The following CD109 variants were observed in gnomAD, a reference collection of about 807,000 sequenced individuals.
CD109 encodes CD109 molecule.
CD109 carries 149 observed loss-of-function variants against 165.8 expected under a neutral mutation model. The ratio of observed to expected loss-of-function variants is 0.90; its 90% CI spans 0.79 to 1.03. The LOEUF is 1.03. Ranked by LOEUF, CD109 falls within the 50% of genes least tolerant of loss-of-function variation. The pLI is 0.00. For missense variants in CD109, 1,712 were observed against 1,677.8 expected (o/e 1.02, Z -0.36); for synonymous variants, 585 against 592.1 (o/e 0.99, Z 0.18).
intron 4 of CD109, among the ~76,000 whole-genome samples, chr6:73,734,960 G>T (rs913904712): frequency 1.3e-5 from 2 of 152,148 alleles, no homozygotes; most frequent in Admixed American, 6.5e-5. Context: ...AGATATACTA[G>T]GGACTTTCCA....
chr6:73,761,741 TTGAACTCC>T (rs1156613006), intron 7 of CD109, among the ~76,000 whole-genome samples: 4 of 152,084 alleles, frequency 2.6e-5, no homozygotes, highest in South Asian at 2.1e-4. Context: ...CAGGCTGGTC[TTGAACTCC>T]TGACCTCGTG....
chr6:73,695,849 G>A (rs1733716121), upstream of CD109: 1 of 298,942 alleles, frequency 3.3e-6, no homozygotes, highest in Non-Finnish European at 6.3e-6. Context: ...ATCGTTGGTA[G>A]AGCGCTAGTG....
chr6:73,798,600 A>G (rs1775254064), intron 23 of CD109, among the ~76,000 whole-genome samples: 1 of 151,708 alleles, frequency 6.6e-6, no homozygotes, highest in South Asian at 2.1e-4. Context: ...ATGGGAGCAG[A>G]GCTGGTGGTT....
chr6:73,807,997 A>G (rs1184718107), intron 25 of CD109, 86 bp from the exon 26 acceptor site: 1 of 1,201,558 alleles, frequency 8.3e-7, no homozygotes, highest in African/African-American at 1.5e-5. Flanking sequence ...CTTATTTTTT[A>G]AATGCATGTT....
chr6:73,751,828 T>C (rs1374899543), intron 5 of CD109, among the ~76,000 whole-genome samples: 1 of 152,228 alleles, frequency 6.6e-6, no homozygotes, highest in Admixed American at 6.5e-5. Flanking sequence ...TGAAATTCCC[T>C]TCTAGTTTTA....
chr6:73,797,433 A>G (rs929330671), intron 23 of CD109, among the ~76,000 whole-genome samples: 1 of 152,246 alleles, frequency 6.6e-6, no homozygotes, highest in African/African-American at 2.4e-5. Context: ...AATAAGAGAA[A>G]GAAAGCTTCA....
At chr6:73,781,828 CACACACA>C (rs1774518260) in intron 17 of CD109, among the ~76,000 whole-genome samples, 1 of 125,780 alleles carries the variant, frequency 8.0e-6, no homozygotes, top group African/African-American at 3.2e-5. Context: ...CACACACACA[CACACACA>C]CCCCTCATCA....
At chr6:73,786,125 C>T (rs182814553) in intron 20 of CD109, among the ~76,000 whole-genome samples, 7 of 152,270 alleles carry the variant, frequency 4.6e-5, no homozygotes, top group South Asian at 2.1e-4. Flanking sequence ...TGAGCCACTG[C>T]ACCCGACTGC....
intron 19 of CD109, 84 bp downstream of exon 19, chr6:73,783,908 A>T: frequency 1.4e-6 from 1 of 710,932 alleles, no homozygotes; most frequent in East Asian, 2.5e-5. Flanking sequence ...TTTTTAAATG[A>T]CTGCTTATAA....
rs187049873 is a variant in CD109 at position 73,722,202 on chromosome 6, A to G, written c.248-1049A>G. Among the ~76,000 whole-genome samples the G allele has an allele frequency of 5.8e-3, 885 of 152,332 alleles. 14 individuals carry two copies. The highest frequency in any genetic ancestry group is 4.5e-3 in the Non-Finnish European group (306 of 68,030). The stretch of plus-strand genomic sequence containing the variant: ...TAGGGGCATATGACATCCTCAATGG[A>G]AAACTCTTCAAGCTTTTTGACACTA... On this transcript the variant is annotated intron_variant, in intron 2 of 32. Coordinates refer to ENST00000287097, the MANE Select transcript of CD109 (RefSeq NM_133493.5).
At chr6:73,770,365 C>G (rs992562603) in intron 14 of CD109, among the ~76,000 whole-genome samples, 1 of 152,206 alleles carries the variant, frequency 6.6e-6, no homozygotes. Context: ...GTCGAGTCAA[C>G]TTGAGGGGAA....
At chr6:73,780,298 A>T in intron 15 of CD109, 126 bp from the exon 16 acceptor site, 1 of 730,760 alleles carries the variant, frequency 1.4e-6, no homozygotes, top group Non-Finnish European at 2.5e-6. Context: ...CATATTCATT[A>T]CTCCTCAATT....
At chr6:73,777,225 G>T (rs1415863386) in intron 15 of CD109, among the ~76,000 whole-genome samples, 1 of 151,964 alleles carries the variant, frequency 6.6e-6, no homozygotes, top group Admixed American at 6.6e-5. Flanking sequence ...CTCCCAAAGT[G>T]CTGGGATTAG....
At chr6:73,714,249 A>C (rs1017571458) in intron 2 of CD109, among the ~76,000 whole-genome samples, 7 of 152,218 alleles carry the variant, frequency 4.6e-5, no homozygotes, top group Non-Finnish European at 1.0e-4. Context: ...GACTGCCTTC[A>C]GAGCCAGTTG....
At chr6:73,710,814 A>G (rs7739291) in intron 2 of CD109, among the ~76,000 whole-genome samples, 131,032 of 152,124 alleles carry the variant, frequency 0.86, 57,765 homozygotes, top group Non-Finnish European at 0.95. Context: ...GATGTTAAGC[A>G]TGTAGGTTTT....
chr6:73,730,550 A>G lies in CD109; in HGVS notation c.483A>G (p.Lys161=). The change falls in exon 4 of 33, where the codon AAA becomes AAG. Residue 161 remains lysine, a synonymous_variant. Coordinates refer to ENST00000287097, the MANE Select transcript of CD109 (RefSeq NM_133493.5). The stretch of plus-strand genomic sequence containing the variant: ...TCTTCTCAGATTTTAAGCCTTACAA[A>G]ACCTCTTTAAACATTCTCATTAAGG... The part of the protein sequence containing the change: ...VTLFSDFKPY[K]TSLNILIKDP... 9.3e-6 allele frequency: 15 copies of G among 1,611,906 alleles called. No homozygotes were observed. The highest frequency in any genetic ancestry group is 1.3e-5 in the Non-Finnish European group (15 of 1,178,142).
intron 15 of CD109, among the ~76,000 whole-genome samples, chr6:73,773,024 T>C (rs1774101785): frequency 6.6e-6 from 1 of 151,638 alleles, no homozygotes; most frequent in South Asian, 2.1e-4. Flanking sequence ...ATAGTATCTG[T>C]TATTTTATAG....
intron 2 of CD109, among the ~76,000 whole-genome samples, chr6:73,698,042 G>A (rs975923762): frequency 3.3e-5 from 5 of 152,278 alleles, no homozygotes; most frequent in Non-Finnish European, 5.9e-5. Flanking sequence ...TACAGAATAG[G>A]CCTGTAGGAA....
intron 15 of CD109, among the ~76,000 whole-genome samples, chr6:73,778,271 T>C (rs919994968): frequency 2.6e-5 from 4 of 152,228 alleles, no homozygotes; most frequent in African/African-American, 9.6e-5. Context: ...TGAAGTTGTT[T>C]ATCGGTTTAA....
Sources: gnomAD v4.1 joint callset for allele counts (sites outside exome capture counted in the v4.1 genomes callset) on GRCh38, gnomAD v4.1.1 for gene constraint, MANE v1.5 for transcripts, NCBI Gene and HGNC (gene_info 2026-07-23, HGNC 2026-07-21) for gene names.